Variants in ADGRL3 observed in about 807,000 individuals in gnomAD.
ADGRL3 encodes adhesion G protein-coupled receptor L3, also known as calcium-independent alpha-latrotoxin receptor 3.
Under a neutral mutation model 153.5 loss-of-function variants are expected in ADGRL3, and 62 were observed. The ratio of observed to expected loss-of-function variants is 0.40; its 90% CI spans 0.33 to 0.50. The LOEUF (loss-of-function observed/expected upper bound fraction) is 0.50, where lower values mean the gene tolerates loss of function less well. ADGRL3 is among the 20% of genes least tolerant of loss of function. ADGRL3 has a pLI of 0.47. For missense variants in ADGRL3, 1,641 were observed against 1,859.4 expected, an observed-to-expected ratio of 0.88 and a Z score of 2.16; for synonymous variants, 710 against 672.5, an observed-to-expected ratio of 1.06 and a Z score of -0.86.
At chr4:62,037,994 A>G in intron 24 of ADGRL3, 138 bp downstream of exon 24, 2 of 900,790 alleles carry the variant, frequency 2.2e-6, no homozygotes, top group Non-Finnish European at 3.3e-6. Context: ...CATGGGAATG[A>G]TTCTGACAGA....
At chr4:61,711,458 T>TTTTATATATATATATACATA (rs1491302780) in intron 6 of ADGRL3, among the ~76,000 whole-genome samples, 2 of 34,662 alleles carry the variant, frequency 5.8e-5, no homozygotes, top group East Asian at 4.8e-3. Flanking sequence ...ATATGCTTCA[T>TTTTATATATATATATACATA]TATATATATA....
intron 1 of ADGRL3, among the ~76,000 whole-genome samples, chr4:61,284,384 A>G (rs751880539): frequency 2.0e-5 from 3 of 151,938 alleles, no homozygotes; most frequent in Non-Finnish European, 4.4e-5. Flanking sequence ...GCATCAGGTT[A>G]TTCCATTGCT....
chr4:61,395,042 T>C (rs1393056832), intron 2 of ADGRL3, among the ~76,000 whole-genome samples: 1 of 152,072 alleles, frequency 6.6e-6, no homozygotes, highest in African/African-American at 2.4e-5. Flanking sequence ...ATCTTCAGTG[T>C]TATTAATTCC....
chr4:62,021,298 A>C (rs1010000897), intron 21 of ADGRL3, among the ~76,000 whole-genome samples: 10 of 152,264 alleles, frequency 6.6e-5, no homozygotes, highest in South Asian at 2.1e-4. Context: ...GAACTTCAGC[A>C]TGTATCCCCA....
chr4:62,001,886 A>G (rs2099141761), intron 21 of ADGRL3, among the ~76,000 whole-genome samples: 1 of 152,174 alleles, frequency 6.6e-6, no homozygotes, highest in African/African-American at 2.4e-5. Flanking sequence ...AGAATAAAAA[A>G]TCACCACGTA....
rs1214511856 is a variant in ADGRL3, at chr4:61,462,752, G to A, written c.-173-34369G>A. ...CTTGGCCAAGTATATTGGGCAATCA[G>A]CCTAGCCAGGCATTACGGTGTTACT... is the stretch of plus-strand genomic sequence containing the variant. On this transcript the variant is annotated intron_variant, in intron 2 of 26. Coordinates refer to ENST00000683033, the MANE Select transcript of ADGRL3 (RefSeq NM_001387552.1). 3.3e-5 allele frequency among the ~76,000 whole-genome samples: 5 copies of A among 152,242 alleles called. No individual in the cohort carries two copies. The East Asian group carries it at 9.7e-4, about 29-fold the overall frequency.
chr4:61,993,765 T>C (rs1302935395), intron 19 of ADGRL3, among the ~76,000 whole-genome samples: 3 of 151,994 alleles, frequency 2.0e-5, no homozygotes, highest in South Asian at 2.1e-4. Context: ...CTCTCTCTCT[T>C]TTATTAAGTT....
intron 9 of ADGRL3, among the ~76,000 whole-genome samples, chr4:61,837,885 TGG>T (rs2097960257): frequency 1.3e-5 from 2 of 152,090 alleles, no homozygotes; most frequent in South Asian, 4.1e-4. Context: ...GGTGGGGAGC[TGG>T]CATTGCATGA....
chr4:61,480,535 C>T (rs1443238754), intron 2 of ADGRL3, among the ~76,000 whole-genome samples: 4 of 152,038 alleles, frequency 2.6e-5, no homozygotes, highest in African/African-American at 7.2e-5. Context: ...CCTATAATTC[C>T]GGCACTTTGG....
At chr4:61,819,116 G>A (rs1367057940) in intron 9 of ADGRL3, among the ~76,000 whole-genome samples, 1 of 151,992 alleles carries the variant, frequency 6.6e-6, no homozygotes, top group Non-Finnish European at 1.5e-5. Flanking sequence ...TTGTTGATAT[G>A]TATATGCATT....
rs141897056 is a variant in ADGRL3 at position 61,268,382 on chromosome 4, T to A, written c.-240+66617T>A. On this transcript the variant is annotated intron_variant, in intron 1 of 26. Transcript: ENST00000683033. Reference sequence around the variant, plus strand: ...ATGTAGATGCAAAATGCAAAATTTATCTCAAGAGGAATAGTTATCTTTTAT... The same window carrying A: ...ATGTAGATGCAAAATGCAAAATTTAACTCAAGAGGAATAGTTATCTTTTAT... 2.8e-4 allele frequency among the ~76,000 whole-genome samples: 42 copies of A among 151,784 alleles called. 1 individual carries two copies. In the East Asian group the frequency reaches 5.6e-3, roughly 20 times the overall value.
chr4:61,829,493 A>G (rs946898912), intron 9 of ADGRL3, among the ~76,000 whole-genome samples: 2 of 152,210 alleles, frequency 1.3e-5, no homozygotes, highest in Middle Eastern at 3.2e-3. Flanking sequence ...TAATGCCCGT[A>G]TCTGTTTAAA....
intron 5 of ADGRL3, among the ~76,000 whole-genome samples, chr4:61,597,354 A>C (rs769899316): frequency 6.6e-6 from 1 of 152,146 alleles, no homozygotes; most frequent in Non-Finnish European, 1.5e-5. Flanking sequence ...AGGTGAGTAG[A>C]TGATAATTGA....
chr4:61,453,006 T>TAA (rs1470422154), intron 2 of ADGRL3, among the ~76,000 whole-genome samples: 4 of 150,258 alleles, frequency 2.7e-5, no homozygotes, highest in Non-Finnish European at 5.9e-5. Flanking sequence ...AATCATATAC[T>TAA]AAGTTATAAT....
intron 5 of ADGRL3, among the ~76,000 whole-genome samples, chr4:61,613,638 G>A (rs1459213307): frequency 6.6e-6 from 1 of 152,118 alleles, no homozygotes; most frequent in Non-Finnish European, 1.5e-5. Context: ...CAGCCACTCG[G>A]GAGATTGAGG....
chr4:61,369,245 G>T (rs941861403), intron 1 of ADGRL3, among the ~76,000 whole-genome samples: 1 of 152,106 alleles, frequency 6.6e-6, no homozygotes, highest in African/African-American at 2.4e-5. Context: ...TAATTGCCCT[G>T]GCCAGAACTT....
rs1046931927 is a variant in ADGRL3, at chr4:61,644,445, A to C, written c.474-32381A>C. 7.9e-5 allele frequency among the ~76,000 whole-genome samples: 12 copies of C among 152,242 alleles called. No homozygotes were observed. In the South Asian group the frequency reaches 1.0e-3, roughly 13 times the overall value. On this transcript the variant is annotated intron_variant, in intron 5 of 26. Coordinates refer to ENST00000683033, the MANE Select transcript of ADGRL3 (RefSeq NM_001387552.1). ...GGCATTTAGCGCTATAAATTTCCCT[A>C]TACACACTGCTTTGAATGCGTCCCA...
intron 1 of ADGRL3, among the ~76,000 whole-genome samples, chr4:61,240,890 G>A (rs535058768): frequency 6.6e-6 from 1 of 152,120 alleles, no homozygotes; most frequent in East Asian, 1.9e-4. Flanking sequence ...TTTGTTGAAT[G>A]AAATAATGAA....
intron 3 of ADGRL3, among the ~76,000 whole-genome samples, chr4:61,515,921 G>A (rs2098491139): frequency 6.6e-6 from 1 of 152,084 alleles, no homozygotes; most frequent in South Asian, 2.1e-4. Context: ...GATTTTCGCA[G>A]CTTTTTGGTC....
Sources: allele counts gnomAD v4.1 joint callset (sites outside exome capture counted in the v4.1 genomes callset), GRCh38; gene constraint gnomAD v4.1.1; transcripts MANE v1.5; gene names NCBI Gene and HGNC (gene_info 2026-07-23, HGNC 2026-07-21).